DPP10: variants seen among roughly 807,000 people sequenced by gnomAD.
DPP10 encodes the protein inactive dipeptidyl peptidase 10.
Under a neutral mutation model 120.9 loss-of-function variants are expected in DPP10, and 33 were observed. The observed-to-expected ratio is 0.27, with a 90% CI of 0.21 to 0.37. The LOEUF is 0.37. DPP10 is among the 10% of genes least tolerant of loss of function. The probability of loss-of-function intolerance (pLI) is 1.00; values close to 1 mark genes in which losing one functional copy is unlikely to be tolerated. For synonymous variants in DPP10, 337 were observed against 326.1 expected, an observed-to-expected ratio of 1.03 and a Z score of -0.36; for missense variants, 816 against 942.8, an observed-to-expected ratio of 0.87 and a Z score of 1.76.
intron 1 of DPP10, among the ~76,000 whole-genome samples, chr2:115,263,669 T>A (rs78927778): frequency 0.019 from 2,918 of 152,248 alleles, 100 homozygotes; most frequent in African/African-American, 0.067. Context: ...GGCATTATCC[T>A]CCATAAACAT....
intron 1 of DPP10, among the ~76,000 whole-genome samples, chr2:115,055,471 AC>A (rs1376208906): frequency 2.6e-5 from 4 of 151,904 alleles, no homozygotes; most frequent in African/African-American, 4.8e-5. Flanking sequence ...GTAGAAGAAA[AC>A]GACAGGCGAA....
At chr2:115,151,615 G>A (rs569891200) in intron 1 of DPP10, among the ~76,000 whole-genome samples, 2 of 151,754 alleles carry the variant, frequency 1.3e-5, no homozygotes, top group African/African-American at 4.8e-5. Flanking sequence ...CACTATGTTG[G>A]CTAGGCTGGT....
chr2:115,781,563 T>C (rs1682767937), intron 16 of DPP10, among the ~76,000 whole-genome samples: 1 of 151,990 alleles, frequency 6.6e-6, no homozygotes, highest in African/African-American at 2.4e-5. Flanking sequence ...TGGTACTGTA[T>C]TTTCCAGAGA....
At chr2:114,905,902 T>C (rs561284542) in intron 1 of DPP10, among the ~76,000 whole-genome samples, 6 of 152,288 alleles carry the variant, frequency 3.9e-5, no homozygotes, top group African/African-American at 7.2e-5. Flanking sequence ...TCCTGCAACA[T>C]TGTTGAGCTT....
In DPP10 at chr2:115,836,145, T is replaced by C. The variant is rs749886887; in HGVS notation, c.1951-12T>C. ...ATATATATATATATATATATATATT[T>C]TTCCCCCCCAGGGTTATGGTGGCTA... On this transcript the variant is annotated splice_polypyrimidine_tract_variant and intron_variant, in intron 21 of 25. Transcript: ENST00000410059. The C allele has an allele frequency of 1.2e-5, 17 of 1,461,834 alleles. No homozygotes were observed. Among genetic ancestry groups the C allele is most frequent in the African/African-American group, 6.2e-5 (4 of 64,344 alleles). 90.6% of individuals were successfully genotyped at this position (1,461,834 alleles called of 1,614,324 possible).
chr2:115,387,416 A>C (rs1389532749), intron 3 of DPP10, among the ~76,000 whole-genome samples: 1 of 152,228 alleles, frequency 6.6e-6, no homozygotes, highest in Non-Finnish European at 1.5e-5. Context: ...CTCAGTAGGC[A>C]TCTGGAAAAA....
intron 1 of DPP10, among the ~76,000 whole-genome samples, chr2:114,699,672 C>T (rs1385009400): frequency 6.6e-6 from 1 of 152,000 alleles, no homozygotes; most frequent in African/African-American, 2.4e-5. Context: ...CATGTTAAGA[C>T]AAACAGATGA....
At chr2:114,508,041 T>C (rs544491082) in intron 1 of DPP10, among the ~76,000 whole-genome samples, 2 of 152,166 alleles carry the variant, frequency 1.3e-5, no homozygotes, top group African/African-American at 4.8e-5. Context: ...CTTTCTTTCC[T>C]TTCTTCTTTT....
intron 8 of DPP10, among the ~76,000 whole-genome samples, chr2:115,733,944 A>T (rs2149666931): frequency 6.6e-6 from 1 of 152,352 alleles, no homozygotes; most frequent in South Asian, 2.1e-4. Flanking sequence ...TATAATTAAC[A>T]TTGGAAGTTT....
chr2:115,821,208 C>T (rs1356039732), intron 21 of DPP10, among the ~76,000 whole-genome samples: 2 of 151,982 alleles, frequency 1.3e-5, no homozygotes, highest in Non-Finnish European at 2.9e-5. Flanking sequence ...ATTAAAGTAT[C>T]CCTTTATAAT....
At chr2:114,586,129 T>C (rs1690963320) in intron 1 of DPP10, among the ~76,000 whole-genome samples, 1 of 152,120 alleles carries the variant, frequency 6.6e-6, no homozygotes, top group Non-Finnish European at 1.5e-5. Context: ...TGAGCACCTG[T>C]AGTCCCAGCT....
At chr2:115,029,675 A>AT (rs1350490981) in intron 1 of DPP10, among the ~76,000 whole-genome samples, 1 of 151,554 alleles carries the variant, frequency 6.6e-6, no homozygotes, top group African/African-American at 2.4e-5. Flanking sequence ...TAATTTTTGA[A>AT]TTTTTTCATT....
rs146379098 is a variant in DPP10 at position 115,477,012 on chromosome 2, A to G, written c.272-22498A>G. ...AACAAACTAGGAATAAAAGAAAACT[A>G]TTTCAATATATTCTAATCCACACAT... is the stretch of plus-strand genomic sequence containing the variant. On this transcript the variant is annotated intron_variant, in intron 3 of 25. Coordinates refer to ENST00000410059, the MANE Select transcript of DPP10 (RefSeq NM_020868.6). Among the ~76,000 whole-genome samples, 95 of 152,300 alleles carry G rather than the reference A, an allele frequency of 6.2e-4. 3 individuals are homozygous for G. The East Asian group carries it at 0.018, about 29-fold the overall frequency.
At chr2:114,629,690 G>A (rs553607928) in intron 1 of DPP10, among the ~76,000 whole-genome samples, 3 of 152,254 alleles carry the variant, frequency 2.0e-5, no homozygotes, top group Non-Finnish European at 4.4e-5. Flanking sequence ...AATTGGCACA[G>A]CCACTCTAAA....
intron 1 of DPP10, among the ~76,000 whole-genome samples, chr2:114,590,762 G>A (rs1691396396): frequency 6.6e-6 from 1 of 152,156 alleles, no homozygotes. Flanking sequence ...ATATATAATA[G>A]TAAAATGTAA....
chr2:115,485,414 T>C (rs1210746859), intron 3 of DPP10, among the ~76,000 whole-genome samples: 5 of 152,256 alleles, frequency 3.3e-5, no homozygotes, highest in South Asian at 2.1e-4. Context: ...ACTATTTCTT[T>C]GTAAGTATTT....
chr2:115,098,548 A>T (rs2048518823), intron 1 of DPP10, among the ~76,000 whole-genome samples: 1 of 152,124 alleles, frequency 6.6e-6, no homozygotes, highest in African/African-American at 2.4e-5. Flanking sequence ...CAATTGTCAC[A>T]CAATGGTATT....
intron 3 of DPP10, among the ~76,000 whole-genome samples, chr2:115,385,746 G>C (rs1049463985): frequency 5.9e-5 from 9 of 152,126 alleles, no homozygotes; most frequent in African/African-American, 2.2e-4. Context: ...TTTTATTTCT[G>C]ACAGCTTCCC....
intron 1 of DPP10, among the ~76,000 whole-genome samples, chr2:114,772,812 A>G (rs1438575368): frequency 6.6e-6 from 1 of 152,146 alleles, no homozygotes; most frequent in Non-Finnish European, 1.5e-5. Context: ...TTAGATGCCA[A>G]GATTCTGAAA....
Sources: allele counts gnomAD v4.1 joint callset (sites outside exome capture counted in the v4.1 genomes callset), GRCh38; gene constraint gnomAD v4.1.1; transcripts MANE v1.5; gene names NCBI Gene and HGNC (gene_info 2026-07-23, HGNC 2026-07-21).